ITSN2: variants seen among roughly 807,000 people sequenced by gnomAD.
ITSN2 encodes the protein intersectin 2, also known as intersectin-2.
In ITSN2, 156 loss-of-function variants were observed where a neutral mutation model predicts 243.7. The ratio of observed to expected loss-of-function variants is 0.64; its 90% confidence interval spans 0.56 to 0.73. The LOEUF is 0.73. Among genes scored for constraint, ITSN2 ranks in the 30% least tolerant of loss-of-function variants. ITSN2 has a pLI of 0.00. For synonymous variants in ITSN2, 703 were observed against 699.9 expected (o/e 1.00, Z -0.07); for missense variants, 1,801 against 1,996.1 (o/e 0.90, Z 1.86).
chr2:24,207,027 G>A (rs555686083), intron 37 of ITSN2, among the ~76,000 whole-genome samples: 1 of 152,164 alleles, frequency 6.6e-6, no homozygotes, highest in Non-Finnish European at 1.5e-5. Flanking sequence ...GCCGGGCACA[G>A]GAAAGAGCTA....
At position 24,225,255 on chromosome 2, in the gene ITSN2, C is replaced by A. The variant is rs1280317001; in HGVS notation, c.3578-4189G>T. On this transcript the variant is annotated intron_variant, in intron 29 of 39. Transcript: ENST00000355123. The surrounding 1 kb of genome is among the most constrained non-coding windows in gnomAD (Gnocchi z 4.2). ...TATCCCACTGTTTGAAACCAACCAACAAGCACACTTCTCCAACCCTGCCCC... is the reference window on the plus strand; with the variant it reads ...TATCCCACTGTTTGAAACCAACCAAAAAGCACACTTCTCCAACCCTGCCCC... Among the ~76,000 whole-genome samples the A allele has an allele frequency of 6.6e-6, 1 of 152,146 alleles. No homozygotes were observed. Among genetic ancestry groups the A allele is most frequent in the Non-Finnish European group, 1.5e-5 (1 of 68,028 alleles).
In ITSN2 at chr2:24,300,124, C is replaced by G. The variant is rs759089134; in HGVS notation, c.1129G>C (p.Glu377Gln). The G allele has an allele frequency of 1.2e-6, 2 of 1,614,200 alleles. No homozygotes were observed. The highest frequency in any genetic ancestry group is 1.7e-5 in the Admixed American group (1 of 60,016). The stretch of plus-strand genomic sequence containing the variant: ...AAGGCTTGGCGTCGCTTTTCCAGCT[C>G]CATGTTCCCTCGCTCATAGTTGGCT... ...RKANYERGNM[E>Q]LEKRRQALME... Residue 377 changes from glutamate (E) to glutamine (Q), a missense_variant, in exon 12 of 40, where the codon GAG becomes CAG. Around this residue, in one of 5 missense-constraint regions of ITSN2, gnomAD observed 787 missense variants for 803.9 expected, o/e 0.98. Transcript: ENST00000355123.
rs780168235 is a variant in ITSN2 at position 24,236,861 on chromosome 2, A to AT, written c.3577+9267dup. On this transcript the variant is annotated intron_variant, in intron 29 of 39. Coordinates refer to ENST00000355123, the MANE Select transcript of ITSN2 (RefSeq NM_006277.3). ...CTATCTATCTATCTATCTATCTTTT[A>AT]TTTTTTATTTTTTTTTGTAGAGACA... Among the ~76,000 whole-genome samples the AT allele has an allele frequency of 4.2e-3, 558 of 134,090 alleles. 14 individuals are homozygous for AT. The highest frequency in any genetic ancestry group is 8.9e-3 in the African/African-American group (329 of 36,976). The allele number at this position is 134,090 out of a possible 152,430, so 88.0% of individuals were successfully genotyped here. A position where few individuals can be genotyped will look rare whatever the true frequency, so the allele number is the denominator to read the frequency against.
intron 17 of ITSN2, among the ~76,000 whole-genome samples, chr2:24,277,311 A>G (rs1044941220): frequency 6.6e-6 from 1 of 152,230 alleles, no homozygotes. Context: ...CCTATACACA[A>G]TAACACAACT....
intron 4 of ITSN2, among the ~76,000 whole-genome samples, chr2:24,312,858 C>A (rs962154371): frequency 6.6e-6 from 1 of 151,854 alleles, no homozygotes; most frequent in African/African-American, 2.4e-5. Context: ...GAAGCGAGGA[C>A]TAATTTGGGG....
intron 20 of ITSN2, among the ~76,000 whole-genome samples, chr2:24,268,481 G>C (rs1212978097): frequency 6.6e-6 from 1 of 152,022 alleles, no homozygotes; most frequent in Non-Finnish European, 1.5e-5. Flanking sequence ...CCATCTATTA[G>C]TCAGAACAGG....
rs1675796985 is a variant in ITSN2 at position 24,261,159 on chromosome 2, A to AT, written c.2628dup (p.Ser877IlefsTer39). ...GGGGACACAGTTCGAGTGAAGGCTG[A>AT]TTTTTTCTGCCATGATGTATTTACA... On this transcript the variant is annotated frameshift_variant, in exon 22 of 40. Transcript: ENST00000355123. LOFTEE classifies it high-confidence loss of function. 1 of 1,613,760 alleles carries AT rather than the reference A, an allele frequency of 6.2e-7. No homozygotes were observed. The highest frequency in any genetic ancestry group is 8.5e-7 in the Non-Finnish European group (1 of 1,179,736).
chr2:24,264,301 G>A (rs1472607070), intron 20 of ITSN2, among the ~76,000 whole-genome samples: 1 of 151,810 alleles, frequency 6.6e-6, no homozygotes, highest in African/African-American at 2.4e-5. Context: ...GGAGGCAGGA[G>A]AATCGCTTGA....
chr2:24,327,870 T>G (rs1178019303), intron 2 of ITSN2, among the ~76,000 whole-genome samples, 182 bp downstream of exon 2: 1 of 152,202 alleles, frequency 6.6e-6, no homozygotes, highest in South Asian at 2.1e-4. Flanking sequence ...AATATAGTCA[T>G]GGGATTTACA....
chr2:24,251,200 C>T (rs1036085672), intron 25 of ITSN2, among the ~76,000 whole-genome samples: 2 of 148,410 alleles, frequency 1.3e-5, no homozygotes, highest in Non-Finnish European at 3.0e-5. Flanking sequence ...TAGCGGATGG[C>T]TGTAATCCCA....
At chr2:24,297,638 T>A (rs2151639620) in intron 13 of ITSN2, among the ~76,000 whole-genome samples, 1 of 152,064 alleles carries the variant, frequency 6.6e-6, no homozygotes, top group East Asian at 1.9e-4. Context: ...GTGGGAAGAA[T>A]TAGGGAGAGA....
intron 2 of ITSN2, among the ~76,000 whole-genome samples, chr2:24,319,419 T>C (rs1684291809): frequency 6.6e-6 from 1 of 152,138 alleles, no homozygotes; most frequent in Non-Finnish European, 1.5e-5. Context: ...TCCTAAATTG[T>C]TGGAAGCACC....
chr2:24,236,702 T>C (rs1672199684), intron 29 of ITSN2, among the ~76,000 whole-genome samples: 1 of 144,142 alleles, frequency 6.9e-6, no homozygotes, highest in African/African-American at 2.6e-5. Flanking sequence ...TAGGGTCTCA[T>C]TCTGTCACTC....
intron 29 of ITSN2, among the ~76,000 whole-genome samples, chr2:24,230,743 G>A (rs1671504664): frequency 6.6e-6 from 1 of 152,024 alleles, no homozygotes; most frequent in Non-Finnish European, 1.5e-5. Flanking sequence ...ACTCCAGCCT[G>A]GGCGACAAGA....
rs187368182 is a variant in ITSN2 at position 24,260,865 on chromosome 2, T to C, written c.2682+241A>G. Among the ~76,000 whole-genome samples the C allele has an allele frequency of 3.8e-3, 533 of 140,530 alleles. 3 individuals carry two copies. Among genetic ancestry groups the C allele is most frequent in the African/African-American group, 0.013 (508 of 37,992 alleles). The allele number at this position is 140,530 out of a possible 152,430, so 92.2% of individuals were successfully genotyped here. On this transcript the variant is annotated intron_variant, in intron 22 of 39. Coordinates refer to ENST00000355123, the MANE Select transcript of ITSN2 (RefSeq NM_006277.3). ...GTTGCAGTGAGCCGAGACTGCACCATTGCACTCCAGCCTGGGCAACAGAGT... is the reference window on the plus strand; with the variant it reads ...GTTGCAGTGAGCCGAGACTGCACCACTGCACTCCAGCCTGGGCAACAGAGT...
intron 30 of ITSN2, among the ~76,000 whole-genome samples, chr2:24,220,018 C>T (rs1040429645): frequency 6.6e-5 from 10 of 152,158 alleles, no homozygotes; most frequent in African/African-American, 2.4e-4. Flanking sequence ...TATCACCAAC[C>T]GAGAAGTGCC....
intron 2 of ITSN2, among the ~76,000 whole-genome samples, chr2:24,320,583 C>T (rs1320311300): frequency 1.4e-5 from 2 of 145,892 alleles, no homozygotes; most frequent in African/African-American, 5.0e-5. Flanking sequence ...GTGGTGGTGG[C>T]TCACACCTGT....
At position 24,298,561 on chromosome 2, in the gene ITSN2, G is replaced by C. The variant is rs144359531; in HGVS notation, c.1494+104C>G. ...TCTGCCTGCCTTGGCCTCCCAAAGTGCTAGGATAACAGGTGTGAGCCACCA... is the reference window on the plus strand; with the variant it reads ...TCTGCCTGCCTTGGCCTCCCAAAGTCCTAGGATAACAGGTGTGAGCCACCA... On this transcript the variant is annotated intron_variant, in intron 13 of 39. Coordinates refer to ENST00000355123, the MANE Select transcript of ITSN2 (RefSeq NM_006277.3). The C allele has an allele frequency of 4.1e-3, 4,391 of 1,082,642 alleles. 147 individuals are homozygous for C. In the African/African-American group the frequency reaches 0.061, roughly 15 times the overall value. The allele number at this position is 1,082,642 out of a possible 1,614,324, so 67.1% of individuals were successfully genotyped here.
intron 20 of ITSN2, among the ~76,000 whole-genome samples, chr2:24,262,090 A>T (rs1037843578): frequency 2.6e-5 from 4 of 152,052 alleles, no homozygotes; most frequent in Non-Finnish European, 5.9e-5. Flanking sequence ...CACCATTTAT[A>T]TTTCTGAATA....
Sources: gnomAD v4.1 joint callset for allele counts (sites outside exome capture counted in the v4.1 genomes callset) on GRCh38, gnomAD v4.1.1 for gene constraint, gnomAD v4.1.1 regional missense constraint, Gnocchi (gnomAD v3.1) non-coding constraint, MANE v1.5 for transcripts, NCBI Gene and HGNC (gene_info 2026-07-23, HGNC 2026-07-21) for gene names.